Variants in TRIM66 observed in about 807,000 individuals in gnomAD.
TRIM66 encodes tripartite motif-containing protein 66.
In TRIM66, 99 loss-of-function variants were observed where a neutral mutation model predicts 148.2. The ratio of observed to expected loss-of-function variants is 0.67; its 90% CI spans 0.57 to 0.79. The LOEUF (loss-of-function observed/expected upper bound fraction) is 0.79, where lower values mean the gene tolerates loss of function less well. Ranked by LOEUF, TRIM66 falls within the 30% of genes least tolerant of loss-of-function variation. The probability of loss-of-function intolerance (pLI) is 0.00; values close to 1 mark genes in which losing one functional copy is unlikely to be tolerated. For synonymous variants in TRIM66, 616 were observed against 635.9 expected (o/e 0.97, Z 0.47); for missense variants, 1,666 against 1,697.9 (o/e 0.98, Z 0.33).
rs558205148 is a variant in TRIM66, at chr11:8,614,089, G to A, written c.*3855C>T. ...GCAGTGGCTCACGCCTGTAATCCCA[G>A]CACTTTGGGAGGCCAAGGGAAGCAG... On this transcript the variant is annotated 3_prime_UTR_variant, in exon 25 of 25. Coordinates refer to ENST00000646038, the MANE Select transcript of TRIM66 (RefSeq NM_001388022.1). The A allele has an allele frequency of 6.6e-6, 1 of 152,494 alleles. No homozygotes were observed. Among genetic ancestry groups the A allele is most frequent in the African/African-American group, 2.4e-5 (1 of 41,556 alleles). The allele number at this position is 152,494 out of a possible 1,614,324, so 9.4% of individuals were successfully genotyped here.
chr11:8,629,889 C>T (rs937686022), intron 15 of TRIM66, among the ~76,000 whole-genome samples: 14 of 152,284 alleles, frequency 9.2e-5, no homozygotes, highest in Non-Finnish European at 1.8e-4. Flanking sequence ...GAGGAAGGGA[C>T]TCAGAGAAAG....
intron 9 of TRIM66, 69 bp downstream of exon 9, chr11:8,648,347 C>G: frequency 6.6e-7 from 1 of 1,524,822 alleles, no homozygotes; most frequent in Non-Finnish European, 8.8e-7. Flanking sequence ...CACGGGGATT[C>G]CCAGAGCTCT....
intron 11 of TRIM66, 32 bp downstream of exon 11, chr11:8,646,415 C>A (rs1396598771): frequency 1.3e-6 from 2 of 1,526,070 alleles, no homozygotes; most frequent in Non-Finnish European, 8.9e-7. Flanking sequence ...GGTTTCTGAA[C>A]CCAACCATCT....
chr11:8,671,944 A>G lies in TRIM66; in HGVS notation c.182T>C (p.Met61Thr), dbSNP rs2038958525. Residue 61 changes from methionine (M) to threonine (T), a missense_variant, in exon 6 of 25, where the codon ATG becomes ACG. This residue lies in a region of TRIM66 where 1,431 missense variants were observed against 1,412.4 expected (regional missense o/e 1.01). Transcript: ENST00000646038. ...GQKHCPKSGQ[M>T]EAMVMTCSLC... ...TGAGCAGGTCATTACCATGGCCTCCATCTGTCCACTCTTAGGGCAGTGTTT... is the reference window on the plus strand; with the variant it reads ...TGAGCAGGTCATTACCATGGCCTCCGTCTGTCCACTCTTAGGGCAGTGTTT... The G allele has an allele frequency of 6.5e-7, 1 of 1,536,154 alleles. No individual in the cohort carries two copies. Among genetic ancestry groups the G allele is most frequent in the Non-Finnish European group, 8.7e-7 (1 of 1,146,904 alleles).
chr11:8,666,253 C>T (rs928490522), intron 6 of TRIM66, among the ~76,000 whole-genome samples: 2 of 143,674 alleles, frequency 1.4e-5, no homozygotes, highest in Non-Finnish European at 3.0e-5. Context: ...AGAGGAGAAT[C>T]GCTTGAACCC....
At chr11:8,663,705 T>G (rs994074405) in intron 6 of TRIM66, among the ~76,000 whole-genome samples, 4 of 152,162 alleles carry the variant, frequency 2.6e-5, no homozygotes, top group African/African-American at 9.7e-5. Flanking sequence ...TGCTGTATTA[T>G]TCACAATAGC....
chr11:8,636,583 T>C (rs2035902738), intron 15 of TRIM66, among the ~76,000 whole-genome samples: 1 of 152,056 alleles, frequency 6.6e-6, no homozygotes, highest in Admixed American at 6.5e-5. Context: ...CACCTGGGTG[T>C]TAAGCCAAAG....
chr11:8,668,921 T>C (rs535058825), intron 6 of TRIM66, among the ~76,000 whole-genome samples: 29 of 152,156 alleles, frequency 1.9e-4, no homozygotes, highest in Non-Finnish European at 4.0e-4. Flanking sequence ...AACTTAGACA[T>C]TGCAGATCTC....
chr11:8,628,084 A>G (rs2035022646), intron 15 of TRIM66, among the ~76,000 whole-genome samples: 1 of 152,128 alleles, frequency 6.6e-6, no homozygotes, highest in African/African-American at 2.4e-5. Flanking sequence ...TTTCCACCTT[A>G]GATTCCCAAA....
chr11:8,655,035 T>C (rs150385195), intron 6 of TRIM66, among the ~76,000 whole-genome samples: 2,399 of 152,074 alleles, frequency 0.016, 71 homozygotes, highest in African/African-American at 0.055. Context: ...TATTTTTGTA[T>C]TTTTAGTAGA....
At chr11:8,649,408 C>T (rs984227452) in intron 8 of TRIM66, among the ~76,000 whole-genome samples, 4 of 152,084 alleles carry the variant, frequency 2.6e-5, no homozygotes, top group Non-Finnish European at 5.9e-5. Flanking sequence ...AAGCCCTAAT[C>T]CAGACTAAGT....
upstream of TRIM66, chr11:8,682,763 A>T (rs771341667): frequency 3.1e-6 from 5 of 1,613,460 alleles, no homozygotes; most frequent in South Asian, 5.5e-5. Context: ...CCCGTGGCCG[A>T]TACCTCGCGA....
chr11:8,622,365 C>CACACACACATATATATATAT, intron 18 of TRIM66, among the ~76,000 whole-genome samples: 3 of 59,570 alleles, frequency 5.0e-5, no homozygotes, highest in Non-Finnish European at 3.9e-5. Context: ...CACACACACA[C>CACACACACATATATATATAT]ATATATATAT....
rs2038015614 is a variant in TRIM66 at position 8,658,438 on chromosome 11, C to T, written c.341-6535G>A. On this transcript the variant is annotated intron_variant, in intron 6 of 24. Transcript: ENST00000646038. ...GACTCCATCCAAAAATCCTTCAGCC[C>T]TCCATGTTCCCCAAAATGACAGTGC... Among the ~76,000 whole-genome samples, 3 of 152,172 alleles carry T rather than the reference C, an allele frequency of 2.0e-5. No homozygotes were observed. The South Asian group carries it at 6.2e-4, about 32-fold the overall frequency.
At chr11:8,621,609 G>A (rs2034221240) in intron 19 of TRIM66, 36 bp downstream of exon 19, 3 of 1,481,532 alleles carry the variant, frequency 2.0e-6, no homozygotes, top group Non-Finnish European at 1.8e-6. Flanking sequence ...CTTAGGCTGG[G>A]CCAGGGTTTA....
intron 23 of TRIM66, 160 bp from the exon 24 acceptor site, chr11:8,619,128 G>C: frequency 1.3e-6 from 1 of 762,066 alleles, no homozygotes; most frequent in Non-Finnish European, 2.1e-6. Context: ...TAGTTTGGTA[G>C]CAGCTCTTAT....
At chr11:8,641,264 G>A (rs2036366074) in intron 13 of TRIM66, 112 bp from the exon 14 acceptor site, 2 of 1,006,852 alleles carry the variant, frequency 2.0e-6, no homozygotes, top group Admixed American at 2.8e-5. Context: ...ACCAGGAACA[G>A]AGATTAAGAA....
intron 17 of TRIM66, among the ~76,000 whole-genome samples, chr11:8,623,698 A>G (rs2034529714): frequency 1.3e-5 from 2 of 152,194 alleles, no homozygotes; most frequent in South Asian, 4.1e-4. Context: ...TCCACAGAAG[A>G]ACAAACTTAG....
At chr11:8,649,607 G>T in intron 8 of TRIM66, 133 bp downstream of exon 8, 4 of 1,249,704 alleles carry the variant, frequency 3.2e-6, no homozygotes, top group Non-Finnish European at 4.3e-6. Context: ...GACTTCCTTT[G>T]GGAAAGGCTC....
Sources: gnomAD v4.1 joint callset for allele counts (sites outside exome capture counted in the v4.1 genomes callset) on GRCh38, gnomAD v4.1.1 for gene constraint, gnomAD v4.1.1 regional missense constraint, MANE v1.5 for transcripts, NCBI Gene and HGNC (gene_info 2026-07-23, HGNC 2026-07-21) for gene names.